The following JAK2 variants were observed in gnomAD, a reference collection of about 807,000 sequenced individuals.
JAK2 encodes Janus kinase 2, also known as tyrosine-protein kinase JAK2.
In JAK2, 86 loss-of-function variants were observed where a neutral mutation model predicts 139.3. The ratio of observed to expected loss-of-function variants is 0.62; its 90% CI spans 0.52 to 0.74. JAK2 has a LOEUF of 0.74. Among genes scored for constraint, JAK2 ranks in the 30% least tolerant of loss-of-function variants. JAK2 has a pLI of 0.00. For synonymous variants in JAK2, 490 were observed against 437.7 expected (o/e 1.12, Z -1.49); for missense variants, 1,421 against 1,360.3 (o/e 1.04, Z -0.70).
At chr9:5,053,774 G>A (rs1163698189) in intron 6 of JAK2, among the ~76,000 whole-genome samples, 2 of 151,992 alleles carry the variant, frequency 1.3e-5, no homozygotes, top group Admixed American at 1.3e-4. Context: ...CTTTGTGCCT[G>A]TGGATTCTAC....
At chr9:5,098,269 C>G (rs768536713) in intron 22 of JAK2, 4 of 152,082 alleles carry the variant, frequency 2.6e-5, no homozygotes, top group African/African-American at 4.8e-5. Flanking sequence ...GTGACTTTCT[C>G]GATAAGATAT....
At chr9:5,021,191 A>T (rs12345127) in intron 2 of JAK2, among the ~76,000 whole-genome samples, 52,592 of 151,870 alleles carry the variant, frequency 0.35, 9,743 homozygotes, top group African/African-American at 0.48. Flanking sequence ...CCTTCCTTGC[A>T]TTAGGTGTTT....
At chr9:5,007,587 G>A (rs1392958382) in intron 2 of JAK2, among the ~76,000 whole-genome samples, 1 of 150,550 alleles carries the variant, frequency 6.6e-6, no homozygotes, top group Non-Finnish European at 1.5e-5. Flanking sequence ...TGCAAAATAT[G>A]TCCTATTTTG....
intron 22 of JAK2, chr9:5,111,321 C>T (rs967419188): frequency 1.0e-4 from 46 of 447,916 alleles, no homozygotes; most frequent in Middle Eastern, 1.2e-3. Context: ...CCCCGGACCC[C>T]TGTCCCCCTC....
At position 5,122,961 on chromosome 9, in the gene JAK2, A is replaced by C. The variant is rs754798327; in HGVS notation, c.3060-43A>C. Reference sequence around the variant, plus strand: ...TTTGCAGGTAAAATCAAGAGTCCACATATCAAGTAACTGTCTTTTAAATGT... The same window carrying C: ...TTTGCAGGTAAAATCAAGAGTCCACCTATCAAGTAACTGTCTTTTAAATGT... On this transcript the variant is annotated intron_variant, in intron 22 of 24. Coordinates refer to ENST00000381652, the MANE Select transcript of JAK2 (RefSeq NM_004972.4). 3.9e-6 allele frequency: 5 copies of C among 1,266,368 alleles called. No homozygotes were observed. The South Asian group carries it at 6.6e-5, about 17-fold the overall frequency. The allele number at this position is 1,266,368 out of a possible 1,614,324, so 78.4% of individuals were successfully genotyped here.
At chr9:5,114,553 C>T (rs1174504297) in intron 22 of JAK2, 6 of 484,054 alleles carry the variant, frequency 1.2e-5, no homozygotes, top group Non-Finnish European at 2.4e-5. Context: ...CGCACCCTCA[C>T]CTGCCTGATC....
chr9:5,064,582 A>C (rs1818438498), intron 8 of JAK2, among the ~76,000 whole-genome samples: 1 of 152,164 alleles, frequency 6.6e-6, no homozygotes, highest in South Asian at 2.1e-4. Flanking sequence ...CAACTTTTAT[A>C]TCATATTAAA....
In JAK2 at chr9:5,054,680, A is replaced by G; in HGVS notation, c.732A>G (p.Lys244=). The change falls in exon 7 of 25, where the codon AAA becomes AAG. Residue 244 remains lysine (K), a synonymous_variant. Transcript: ENST00000381652. The surrounding 1 kb of genome is among the most constrained non-coding windows in gnomAD (Gnocchi z 4.9). ...TTATTCAGCAATTCAGCCAATGCAAAGCCACTGCCAGAAACTTGAAACTTA... is the reference window on the plus strand; with the variant it reads ...TTATTCAGCAATTCAGCCAATGCAAGGCCACTGCCAGAAACTTGAAACTTA... ...RRFIQQFSQC[K]ATARNLKLKY... 6.2e-7 allele frequency: 1 copy of G among 1,613,432 alleles called. No individual in the cohort carries two copies. Among genetic ancestry groups the G allele is most frequent in the East Asian group, 2.2e-5 (1 of 44,860 alleles).
intron 2 of JAK2, among the ~76,000 whole-genome samples, chr9:5,012,008 A>G (rs1821735535): frequency 6.6e-6 from 1 of 152,122 alleles, no homozygotes; most frequent in Admixed American, 6.5e-5. Context: ...GTTCTTTCAG[A>G]TTTCTAGCTA....
intron 4 of JAK2, among the ~76,000 whole-genome samples, chr9:5,039,571 T>C (rs927063648): frequency 6.6e-6 from 1 of 152,120 alleles, no homozygotes; most frequent in Admixed American, 6.5e-5. Context: ...GATTACATGA[T>C]CTTGCATATT....
At chr9:5,069,448 G>C (rs963483400) in intron 11 of JAK2, among the ~76,000 whole-genome samples, 1 of 152,054 alleles carries the variant, frequency 6.6e-6, no homozygotes, top group Non-Finnish European at 1.5e-5. Flanking sequence ...TGTGTGGTAT[G>C]ATGTCATTTA....
At chr9:5,093,962 TC>T (rs897409679) in intron 22 of JAK2, among the ~76,000 whole-genome samples, 1 of 151,916 alleles carries the variant, frequency 6.6e-6, no homozygotes, top group African/African-American at 2.4e-5. Flanking sequence ...TAAAGTGCCC[TC>T]CCCCCATAAA....
chr9:5,114,087 C>T (rs1822909275), intron 22 of JAK2: 2 of 336,316 alleles, frequency 5.9e-6, no homozygotes, highest in East Asian at 7.4e-5. Context: ...CACCCAGAAG[C>T]GCTGGCTGCC....
chr9:5,043,932 G>C (rs1816807451), intron 4 of JAK2, among the ~76,000 whole-genome samples: 1 of 152,112 alleles, frequency 6.6e-6, no homozygotes, highest in African/African-American at 2.4e-5. Context: ...ACTTTAAGTG[G>C]GTGGACTTTA....
chr9:5,093,150 CACTG>C (rs1298687779), intron 22 of JAK2, among the ~76,000 whole-genome samples: 1 of 152,066 alleles, frequency 6.6e-6, no homozygotes, highest in Non-Finnish European at 1.5e-5. Flanking sequence ...TGGAATAACC[CACTG>C]ACTGACAGTT....
chr9:5,085,978 T>C (rs1820069856), intron 19 of JAK2: 4 of 1,020,880 alleles, frequency 3.9e-6, no homozygotes, highest in Admixed American at 1.7e-5. Context: ...CTGTGTGTTT[T>C]GCTGTACGGG....
intron 22 of JAK2, among the ~76,000 whole-genome samples, chr9:5,121,080 G>A (rs577045841): frequency 6.6e-6 from 1 of 152,232 alleles, no homozygotes; most frequent in African/African-American, 2.4e-5. Context: ...AGAGACCCTG[G>A]GAAACCTTCA....
intron 22 of JAK2, among the ~76,000 whole-genome samples, chr9:5,119,073 A>G (rs1269958914): frequency 1.3e-5 from 2 of 152,166 alleles, no homozygotes; most frequent in Non-Finnish European, 2.9e-5. Flanking sequence ...ATATTTTATC[A>G]TGTTTTAAAT....
rs1055277848 is a variant in JAK2, at chr9:5,128,434, C to T, written c.*1643C>T. Among the ~76,000 whole-genome samples the T allele has an allele frequency of 6.6e-6, 1 of 151,748 alleles. No homozygotes were observed. The highest frequency in any genetic ancestry group is 2.4e-5 in the African/African-American group (1 of 41,400). On this transcript the variant is annotated 3_prime_UTR_variant, in exon 25 of 25. Coordinates refer to ENST00000381652, the MANE Select transcript of JAK2 (RefSeq NM_004972.4). ...TCCTCAAGGATTTGTATATGCAACA[C>T]AGTAAGGAGATCTTCCATTTTACTA...
Sources: gnomAD v4.1 joint callset for allele counts (sites outside exome capture counted in the v4.1 genomes callset) on GRCh38, gnomAD v4.1.1 for gene constraint, Gnocchi (gnomAD v3.1) non-coding constraint, MANE v1.5 for transcripts, NCBI Gene and HGNC (gene_info 2026-07-23, HGNC 2026-07-21) for gene names.